MEI4: variants seen among roughly 807,000 people sequenced by gnomAD.
MEI4 encodes meiosis-specific protein MEI4.
In MEI4, 27 loss-of-function variants were observed where a neutral mutation model predicts 31.4. The observed-to-expected ratio is 0.86, with a 90% confidence interval of 0.63 to 1.19. MEI4 has a LOEUF of 1.19. Ranked by LOEUF, MEI4 falls within the 50% of genes most tolerant of loss-of-function variation. The probability of loss-of-function intolerance (pLI) is 0.00; values close to 1 mark genes in which losing one functional copy is unlikely to be tolerated. For synonymous variants in MEI4, 122 were observed against 145.4 expected (o/e 0.84, Z 1.16); for missense variants, 329 against 398.9 (o/e 0.82, Z 1.49).
chr6:77,886,992 A>G (rs1771635080), intron 4 of MEI4, among the ~76,000 whole-genome samples: 1 of 142,904 alleles, frequency 7.0e-6, no homozygotes, highest in Non-Finnish European at 1.5e-5. Context: ...CTTTTTGTCA[A>G]CTAATTTTGG....
chr6:77,908,962 A>C (rs1377256271), intron 4 of MEI4, among the ~76,000 whole-genome samples: 2 of 152,134 alleles, frequency 1.3e-5, no homozygotes, highest in Admixed American at 6.6e-5. Context: ...GAAAGTTAAC[A>C]AGGATATCCA....
At chr6:77,746,148 C>G (rs1003906233) in intron 2 of MEI4, among the ~76,000 whole-genome samples, 2 of 152,096 alleles carry the variant, frequency 1.3e-5, no homozygotes, top group African/African-American at 4.8e-5. Context: ...AATAGAGACA[C>G]AAAAAACCCT....
chr6:77,740,435 A>G (rs1362542292), intron 2 of MEI4, among the ~76,000 whole-genome samples: 2 of 152,184 alleles, frequency 1.3e-5, no homozygotes, highest in African/African-American at 2.4e-5. Flanking sequence ...TATTACTGCA[A>G]TTGAAGCCTT....
chr6:77,801,557 C>G (rs1403678333), intron 3 of MEI4, among the ~76,000 whole-genome samples: 2 of 152,138 alleles, frequency 1.3e-5, no homozygotes, highest in East Asian at 1.9e-4. Context: ...TCTTGCTTCT[C>G]TAGTTCTTTT....
intron 2 of MEI4, among the ~76,000 whole-genome samples, chr6:77,694,228 C>T (rs79474518): frequency 0.019 from 2,890 of 151,244 alleles, 64 homozygotes; most frequent in East Asian, 0.089. Flanking sequence ...CCTGGGCAGC[C>T]GCGTTTCTTT....
chr6:77,734,887 C>A lies in MEI4; in HGVS notation c.233-26243C>A, dbSNP rs535891796. ...TGTAAAGGATTTTATTTCTCCTTCA[C>A]TTATGAAGCTTAGTTTGGCTGGATA... On this transcript the variant is annotated intron_variant, in intron 2 of 4. Coordinates refer to ENST00000684080, the MANE Select transcript of MEI4 (RefSeq NM_001322247.2). Among the ~76,000 whole-genome samples, 786 of 151,808 alleles carry A rather than the reference C, an allele frequency of 5.2e-3. 11 individuals carry two copies. The highest frequency in any genetic ancestry group is 0.019 in the African/African-American group (767 of 41,300).
At chr6:77,831,032 T>A (rs925340324) in intron 4 of MEI4, among the ~76,000 whole-genome samples, 2 of 148,464 alleles carry the variant, frequency 1.3e-5, no homozygotes, top group Non-Finnish European at 3.0e-5. Flanking sequence ...CCAGAATATA[T>A]AAAGAACTCA....
In MEI4 at chr6:77,799,035, A is replaced by G. The variant is rs560152544; in HGVS notation, c.769-29896A>G. 4.6e-3 allele frequency among the ~76,000 whole-genome samples: 700 copies of G among 152,230 alleles called. 7 individuals carry two copies. The highest frequency in any genetic ancestry group is 0.022 in the South Asian group (104 of 4,820). Reference sequence around the variant, plus strand: ...TAATGGGATTGCTGGGTCAAATGGTATTTCCAGTTCTAGATCCCTGAGGAA... The same window carrying G: ...TAATGGGATTGCTGGGTCAAATGGTGTTTCCAGTTCTAGATCCCTGAGGAA... On this transcript the variant is annotated intron_variant, in intron 3 of 4. Coordinates refer to ENST00000684080, the MANE Select transcript of MEI4 (RefSeq NM_001322247.2).
At chr6:77,804,193 C>T (rs113651313) in intron 3 of MEI4, among the ~76,000 whole-genome samples, 18,499 of 152,084 alleles carry the variant, frequency 0.12, 1,416 homozygotes, top group East Asian at 0.26. Flanking sequence ...CCCCCAGCCT[C>T]GCTACCGCCT....
At chr6:77,798,744 T>G (rs1444600042) in intron 3 of MEI4, among the ~76,000 whole-genome samples, 2 of 150,610 alleles carry the variant, frequency 1.3e-5, no homozygotes, top group Non-Finnish European at 2.9e-5. Flanking sequence ...TATGCGGTGT[T>G]TGGTTTTTTG....
intron 3 of MEI4, among the ~76,000 whole-genome samples, chr6:77,764,632 T>C (rs1768123899): frequency 1.3e-5 from 2 of 152,146 alleles, no homozygotes; most frequent in Non-Finnish European, 2.9e-5. Context: ...TACAGAACTT[T>C]CCAGTCAACA....
At chr6:77,817,694 TA>T (rs1344931238) in intron 3 of MEI4, among the ~76,000 whole-genome samples, 2 of 152,136 alleles carry the variant, frequency 1.3e-5, no homozygotes. Context: ...TGTGATGTTA[TA>T]ATTTTTTTAT....
intron 2 of MEI4, among the ~76,000 whole-genome samples, chr6:77,701,662 CAT>C (rs1350889622): frequency 6.6e-6 from 1 of 151,520 alleles, no homozygotes; most frequent in East Asian, 1.9e-4. Flanking sequence ...ATTCATAAAT[CAT>C]AGGCTACAGG....
chr6:77,729,682 G>C (rs1323424185), intron 2 of MEI4, among the ~76,000 whole-genome samples: 3 of 152,124 alleles, frequency 2.0e-5, no homozygotes, highest in Non-Finnish European at 4.4e-5. Context: ...AGCATTTATA[G>C]GGTACAAACA....
At chr6:77,875,236 G>A (rs974971134) in intron 4 of MEI4, among the ~76,000 whole-genome samples, 1 of 152,132 alleles carries the variant, frequency 6.6e-6, no homozygotes, top group Admixed American at 6.6e-5. Context: ...GTGTGTATAT[G>A]CATGCATATG....
intron 2 of MEI4, among the ~76,000 whole-genome samples, chr6:77,730,743 C>T (rs1766960758): frequency 6.6e-6 from 1 of 151,780 alleles, no homozygotes; most frequent in Non-Finnish European, 1.5e-5. Context: ...CGTCATCTAG[C>T]ATTAGGTGTA....
intron 4 of MEI4, among the ~76,000 whole-genome samples, chr6:77,882,015 C>T (rs965006097): frequency 2.0e-5 from 3 of 152,206 alleles, no homozygotes; most frequent in Admixed American, 6.5e-5. Flanking sequence ...CAGATGCCAA[C>T]TGTAAGTTCC....
In MEI4 at chr6:77,923,789, T is replaced by TTAAAACTTTTTCTTACA. The variant is rs772518435; in HGVS notation, c.*446_*462dup. 5 of 152,006 alleles carry TTAAAACTTTTTCTTACA rather than the reference T, an allele frequency of 3.3e-5. No individual in the cohort carries two copies. Among genetic ancestry groups the TTAAAACTTTTTCTTACA allele is most frequent in the East Asian group, 1.9e-4 (1 of 5,186 alleles). 9.4% of individuals were successfully genotyped at this position (152,006 alleles called of 1,614,324 possible). A position where few individuals can be genotyped will look rare whatever the true frequency, so the allele number is the denominator to read the frequency against. ...TAAGAAGTGGTCATAAATGCAATTT[T>TTAAAACTTTTTCTTACA]TAAAACTTTTTCTTACATAGTTGAA... On this transcript the variant is annotated 3_prime_UTR_variant, in exon 5 of 5. Transcript: ENST00000684080.
At chr6:77,892,656 C>A (rs561247255) in intron 4 of MEI4, among the ~76,000 whole-genome samples, 77 of 152,232 alleles carry the variant, frequency 5.1e-4, no homozygotes, top group African/African-American at 1.8e-3. Context: ...AGCCCATTTC[C>A]TAGGCTATAG....
Sources: gnomAD v4.1 joint callset for allele counts (sites outside exome capture counted in the v4.1 genomes callset) on GRCh38, gnomAD v4.1.1 for gene constraint, MANE v1.5 for transcripts, NCBI Gene and HGNC (gene_info 2026-07-23, HGNC 2026-07-21) for gene names.